METAP2: variants seen among roughly 807,000 people sequenced by gnomAD.
METAP2 encodes the protein methionine aminopeptidase 2.
Under a neutral mutation model 59.4 loss-of-function variants are expected in METAP2, and 25 were observed. The ratio of observed to expected loss-of-function variants is 0.42; its 90% confidence interval spans 0.31 to 0.59. METAP2 has a LOEUF of 0.59. METAP2 is among the 20% of genes least tolerant of loss of function. The pLI is 0.16. For missense variants in METAP2, 366 were observed against 581.2 expected (o/e 0.63, Z 3.81); for synonymous variants, 214 against 194.1 (o/e 1.10, Z -0.85).
intron 8 of METAP2, among the ~76,000 whole-genome samples, chr12:95,504,563 C>T (rs1215945881): frequency 6.6e-6 from 1 of 152,216 alleles, no homozygotes; most frequent in Admixed American, 6.5e-5. Flanking sequence ...GTGGTGCAAC[C>T]AGAGCTCACT....
chr12:95,512,186 A>G (rs1452311806), intron 9 of METAP2, among the ~76,000 whole-genome samples, 188 bp downstream of exon 9: 2 of 152,180 alleles, frequency 1.3e-5, no homozygotes, highest in African/African-American at 2.4e-5. Flanking sequence ...AGTTGTGGAA[A>G]TTGGGGCTGT....
intron 7 of METAP2, among the ~76,000 whole-genome samples, chr12:95,501,114 C>G (rs558332012): frequency 4.0e-5 from 6 of 150,262 alleles, no homozygotes; most frequent in Admixed American, 6.7e-5. Context: ...TGGGCTCAAG[C>G]AGACTCCTGC....
chr12:95,513,751 C>T lies in METAP2; in HGVS notation c.1284C>T (p.Tyr428=), dbSNP rs2076422882. 1.9e-6 allele frequency: 3 copies of T among 1,614,236 alleles called. No homozygotes were observed. The highest frequency in any genetic ancestry group is 1.7e-6 in the Non-Finnish European group (2 of 1,180,046). ...RWLDRLGESK[Y]LMALKNLCDL... Reference sequence around the variant, plus strand: ...TGGATCGCTTGGGAGAAAGTAAATACTTGATGGCTCTGAAGAATCTGTGTG... The same window carrying T: ...TGGATCGCTTGGGAGAAAGTAAATATTTGATGGCTCTGAAGAATCTGTGTG... The change falls in exon 11 of 11, where the codon TAC becomes TAT. Residue 428 remains tyrosine, a synonymous_variant. Coordinates refer to ENST00000323666, the MANE Select transcript of METAP2 (RefSeq NM_006838.4).
intron 4 of METAP2, among the ~76,000 whole-genome samples, chr12:95,492,620 T>C (rs749675626): frequency 1.1e-4 from 17 of 152,096 alleles, no homozygotes; most frequent in Non-Finnish European, 2.1e-4. Flanking sequence ...GGCTGGGGTA[T>C]AGTGGTGCAA....
chr12:95,498,065 G>A (rs566935715), intron 7 of METAP2, among the ~76,000 whole-genome samples: 12 of 151,670 alleles, frequency 7.9e-5, no homozygotes, highest in East Asian at 3.9e-4. Flanking sequence ...CCTGGGAGGC[G>A]GAGCTTGCAG....
intron 7 of METAP2, 26 bp from the exon 8 acceptor site, chr12:95,504,039 T>G: frequency 6.4e-7 from 1 of 1,563,920 alleles, no homozygotes; most frequent in Non-Finnish European, 8.7e-7. Context: ...CTTTGAATAA[T>G]AAAGCATATG....
intron 1 of METAP2, among the ~76,000 whole-genome samples, chr12:95,475,131 C>T (rs1438671015): frequency 6.6e-6 from 1 of 152,110 alleles, no homozygotes; most frequent in Non-Finnish European, 1.5e-5. Context: ...TTTGAGAAGT[C>T]TGTGTTTTTG....
Position 95,483,165 on chromosome 12 carries a change from C to T in METAP2, c.260-50C>T, listed in dbSNP as rs199562027. 29 of 1,405,262 alleles carry T rather than the reference C, an allele frequency of 2.1e-5. 1 individual carries two copies. In the East Asian group the frequency reaches 6.4e-4, roughly 31 times the overall value. The allele number at this position is 1,405,262 out of a possible 1,614,324, so 87.0% of individuals were successfully genotyped here. A position where few individuals can be genotyped will look rare whatever the true frequency, so the allele number is the denominator to read the frequency against. On this transcript the variant is annotated intron_variant, in intron 2 of 10. Transcript: ENST00000323666. The stretch of plus-strand genomic sequence containing the variant: ...TTGTCTCCTTGTACTTGCTTTGTCC[C>T]TCTGCTTATGAGGTTTAAATGAACA...
In METAP2 at chr12:95,511,833, A is replaced by G. The variant is rs2076405169; in HGVS notation, c.965-62A>G. ...TGCTTGAACTCTGTACCAAAATGTA[A>G]GAGATCTGTTTTTGCTTCTTGAGAT... On this transcript the variant is annotated intron_variant, in intron 8 of 10. Transcript: ENST00000323666. The G allele has an allele frequency of 4.3e-6, 5 of 1,152,888 alleles. No individual in the cohort carries two copies. In the South Asian group the frequency reaches 5.7e-5, roughly 13 times the overall value. The allele number at this position is 1,152,888 out of a possible 1,614,324, so 71.4% of individuals were successfully genotyped here.
chr12:95,496,459 C>A (rs1003856580), intron 7 of METAP2, among the ~76,000 whole-genome samples: 45 of 151,956 alleles, frequency 3.0e-4, no homozygotes, highest in Non-Finnish European at 1.5e-4. Flanking sequence ...TATACCCACC[C>A]CTCCCCAATT....
chr12:95,502,357 T>C (rs1255751904), intron 7 of METAP2, among the ~76,000 whole-genome samples: 4 of 152,304 alleles, frequency 2.6e-5, no homozygotes, highest in African/African-American at 9.6e-5. Context: ...GATTCATGGG[T>C]GACAGCTTTT....
At chr12:95,506,795 CTTATTTATTTAT>C (rs56755873) in intron 8 of METAP2, among the ~76,000 whole-genome samples, 21 of 147,334 alleles carry the variant, frequency 1.4e-4, no homozygotes, top group South Asian at 4.4e-4. Context: ...AAGCAGAATA[CTTATTTATTTAT>C]TTATTTATTT....
chr12:95,480,490 G>A (rs1403171103), intron 2 of METAP2, among the ~76,000 whole-genome samples: 3 of 152,182 alleles, frequency 2.0e-5, no homozygotes, highest in African/African-American at 7.2e-5. Context: ...CTTAGCAATG[G>A]TTGAGAGTTT....
At chr12:95,488,226 A>G (rs566987274) in intron 4 of METAP2, among the ~76,000 whole-genome samples, 120 of 151,990 alleles carry the variant, frequency 7.9e-4, no homozygotes, top group Non-Finnish European at 8.1e-4. Context: ...CCGGCCAGGC[A>G]TGGTGGCTCA....
intron 8 of METAP2, 99 bp downstream of exon 8, chr12:95,504,260 A>T (rs1339643807): frequency 1.3e-6 from 1 of 788,962 alleles, no homozygotes; most frequent in Non-Finnish European, 2.1e-6. Context: ...TATCTTGGTA[A>T]TTCAAGGAAA....
At chr12:95,478,689 A>C (rs1197071850) in intron 2 of METAP2, among the ~76,000 whole-genome samples, 1 of 152,172 alleles carries the variant, frequency 6.6e-6, no homozygotes, top group Non-Finnish European at 1.5e-5. Context: ...AAAACCTAGA[A>C]GTGAAAAGGT....
chr12:95,512,608 A>G (rs1199174924), intron 9 of METAP2, among the ~76,000 whole-genome samples, 193 bp from the exon 10 acceptor site: 2 of 152,166 alleles, frequency 1.3e-5, no homozygotes, highest in Non-Finnish European at 2.9e-5. Flanking sequence ...CCTACTCGGG[A>G]GGCTGAGGCA....
At chr12:95,486,451 G>A (rs1049782551) in intron 4 of METAP2, among the ~76,000 whole-genome samples, 4 of 151,074 alleles carry the variant, frequency 2.6e-5, no homozygotes, top group Non-Finnish European at 2.9e-5. Flanking sequence ...TATCCTTAGT[G>A]AGATTTATCA....
chr12:95,508,906 C>T (rs992388312), intron 8 of METAP2, among the ~76,000 whole-genome samples: 2 of 152,084 alleles, frequency 1.3e-5, no homozygotes, highest in African/African-American at 4.8e-5. Context: ...TTTAAGGCAA[C>T]AATCCATTTT....
Sources: gnomAD v4.1 joint callset for allele counts (sites outside exome capture counted in the v4.1 genomes callset) on GRCh38, gnomAD v4.1.1 for gene constraint, MANE v1.5 for transcripts, NCBI Gene and HGNC (gene_info 2026-07-23, HGNC 2026-07-21) for gene names.